Variants in RHOT1 observed in about 807,000 individuals in gnomAD.
The protein encoded by RHOT1 is mitochondrial Rho GTPase 1.
RHOT1 carries 27 observed loss-of-function variants against 95.3 expected under a neutral mutation model. The ratio of observed to expected loss-of-function variants is 0.28; its 90% CI spans 0.21 to 0.39. The LOEUF is 0.39. Ranked by LOEUF, RHOT1 falls within the 10% of genes least tolerant of loss-of-function variation. The pLI, the probability that RHOT1 is intolerant of heterozygous loss-of-function variation, is 1.00. For missense variants in RHOT1, 578 were observed against 786.7 expected, an observed-to-expected ratio of 0.73 and a Z score of 3.17; for synonymous variants, 227 against 263.5, an observed-to-expected ratio of 0.86 and a Z score of 1.34.
intron 1 of RHOT1, among the ~76,000 whole-genome samples, chr17:32,152,600 A>AAG (rs1202710918): frequency 5.3e-5 from 8 of 151,880 alleles, no homozygotes; most frequent in East Asian, 1.9e-4. Flanking sequence ...TGAAAAAAAA[A>AAG]AGAGAGAGAG....
At chr17:32,193,721 A>G (rs979505197) in intron 10 of RHOT1, among the ~76,000 whole-genome samples, 3 of 152,222 alleles carry the variant, frequency 2.0e-5, no homozygotes, top group Admixed American at 6.5e-5. Flanking sequence ...CTACTCTCAT[A>G]TAACTTTGTG....
chr17:32,150,996 G>T, intron 1 of RHOT1: 3 of 1,536,252 alleles, frequency 2.0e-6, no homozygotes, highest in Admixed American at 3.7e-5. Flanking sequence ...AATTTGAATC[G>T]CCGGTTCCTA....
chr17:32,211,021 A>G (rs2038093565), intron 18 of RHOT1, 95 bp from the exon 19 acceptor site: 16 of 1,262,718 alleles, frequency 1.3e-5, no homozygotes, highest in Non-Finnish European at 1.7e-5. Context: ...AGTGTTGCTT[A>G]TGCCTAAGTC....
Position 32,223,302 on chromosome 17 carries a change from C to T in RHOT1, c.1863-1314C>T, listed in dbSNP as rs543531405. 2.6e-5 allele frequency among the ~76,000 whole-genome samples: 4 copies of T among 152,064 alleles called. No individual in the cohort carries two copies. The South Asian group carries it at 8.3e-4, about 32-fold the overall frequency. On this transcript the variant is annotated intron_variant, in intron 19 of 19. Transcript: ENST00000545287. Reference sequence around the variant, plus strand: ...CTTAACTCTTTTGCATATGTCAGTGCCTTGGTCTTTTAATGATATCTGACT... The same window carrying T: ...CTTAACTCTTTTGCATATGTCAGTGTCTTGGTCTTTTAATGATATCTGACT...
intron 8 of RHOT1, among the ~76,000 whole-genome samples, chr17:32,191,754 A>C (rs912487565): frequency 2.6e-5 from 4 of 152,338 alleles, no homozygotes; most frequent in African/African-American, 9.6e-5. Context: ...TCCCAGCTTT[A>C]ACATACACAC....
At chr17:32,193,694 C>G (rs1371606153) in intron 10 of RHOT1, among the ~76,000 whole-genome samples, 1 of 152,120 alleles carries the variant, frequency 6.6e-6, no homozygotes, top group Non-Finnish European at 1.5e-5. Context: ...AAAATAAGCT[C>G]AAAGATCTGT....
At chr17:32,206,201 T>G (rs1460551910) in intron 16 of RHOT1, among the ~76,000 whole-genome samples, 9 of 132,564 alleles carry the variant, frequency 6.8e-5, no homozygotes, top group Non-Finnish European at 1.1e-4. Context: ...TCTTTTTTTT[T>G]TTTTTTTTTT....
chr17:32,166,907 A>G (rs976315150), intron 1 of RHOT1, among the ~76,000 whole-genome samples: 3 of 152,140 alleles, frequency 2.0e-5, no homozygotes, highest in Admixed American at 6.6e-5. Flanking sequence ...GTGAATCACA[A>G]ATGTTCTTGA....
intron 11 of RHOT1, among the ~76,000 whole-genome samples, chr17:32,196,266 C>G (rs2036881772): frequency 1.3e-5 from 2 of 151,074 alleles, no homozygotes; most frequent in Admixed American, 1.3e-4. Context: ...TCACAGCTCA[C>G]TGTGGCCTCG....
intron 13 of RHOT1, among the ~76,000 whole-genome samples, chr17:32,199,781 T>G (rs2142830982): frequency 6.6e-6 from 1 of 152,196 alleles, no homozygotes; most frequent in South Asian, 2.1e-4. Flanking sequence ...GTAGTAAGTC[T>G]TTGAAAATTG....
intron 19 of RHOT1, among the ~76,000 whole-genome samples, chr17:32,223,102 G>T (rs1261220294): frequency 3.9e-5 from 6 of 151,934 alleles, no homozygotes; most frequent in African/African-American, 1.5e-4. Flanking sequence ...ATAGAAACTG[G>T]TGAGGGTGAG....
chr17:32,174,750 C>A (rs150627146), intron 3 of RHOT1, among the ~76,000 whole-genome samples: 1 of 152,164 alleles, frequency 6.6e-6, no homozygotes, highest in African/African-American at 2.4e-5. Context: ...TATTTGCTTT[C>A]TATCCTAGCT....
At chr17:32,220,660 C>T (rs981126507) in intron 19 of RHOT1, among the ~76,000 whole-genome samples, 1 of 151,746 alleles carries the variant, frequency 6.6e-6, no homozygotes, top group Admixed American at 6.6e-5. Flanking sequence ...CATGGTGAAA[C>T]CCCATCTCTA....
intron 1 of RHOT1, among the ~76,000 whole-genome samples, chr17:32,169,662 T>G (rs749877731): frequency 2.6e-5 from 4 of 152,232 alleles, no homozygotes; most frequent in Non-Finnish European, 2.9e-5. Context: ...TGAGTTCTAC[T>G]TCTAGGAATT....
intron 1 of RHOT1, chr17:32,160,304 G>A (rs2033414087): frequency 1.3e-5 from 2 of 152,236 alleles, no homozygotes; most frequent in Admixed American, 1.3e-4. Flanking sequence ...GCTACAGAGA[G>A]GAGGTACTCA....
chr17:32,154,593 A>C (rs1212448647), intron 1 of RHOT1, among the ~76,000 whole-genome samples: 7 of 149,112 alleles, frequency 4.7e-5, no homozygotes, highest in Non-Finnish European at 8.9e-5. Context: ...TCTCAAAAAA[A>C]AAAAAAAAAA....
Position 32,224,625 on chromosome 17 carries a change from A to G in RHOT1, c.1872A>G (p.Thr624=), listed in dbSNP as rs771285882. 1.1e-5 allele frequency: 18 copies of G among 1,612,414 alleles called. No individual in the cohort carries two copies. In the Admixed American group the frequency reaches 3.0e-4, roughly 27 times the overall value. Residue 624 remains threonine (T), a synonymous_variant, in exon 20 of 20, where the codon ACA becomes ACG. Coordinates refer to ENST00000545287, the MANE Select transcript of RHOT1 (RefSeq NM_001033566.3). ...TATTTTCTGACTGCAGGCACGTGAC[A>G]CAAGCTGACCTCAAGAGCTCCACGT... ...IFTAVLNRHV[T]QADLKSSTFW...
intron 6 of RHOT1, among the ~76,000 whole-genome samples, chr17:32,182,481 G>C (rs2035719707): frequency 6.6e-6 from 1 of 152,124 alleles, no homozygotes; most frequent in Non-Finnish European, 1.5e-5. Context: ...GCTAGACCCT[G>C]TCTCAAGAAA....
chr17:32,170,162 C>G (rs1270779231), intron 1 of RHOT1, among the ~76,000 whole-genome samples: 1 of 152,146 alleles, frequency 6.6e-6, no homozygotes, highest in African/African-American at 2.4e-5. Flanking sequence ...CGCCTGTAAT[C>G]CCAGCACTTT....
Sources: allele counts gnomAD v4.1 joint callset (sites outside exome capture counted in the v4.1 genomes callset), GRCh38; gene constraint gnomAD v4.1.1; transcripts MANE v1.5; gene names NCBI Gene and HGNC (gene_info 2026-07-23, HGNC 2026-07-21).